The following CNBD1 variants were observed in gnomAD, a reference collection of about 807,000 sequenced individuals.
CNBD1 encodes the protein cyclic nucleotide-binding domain-containing protein 1.
CNBD1 carries 71 observed loss-of-function variants against 54.4 expected under a neutral mutation model. The observed-to-expected ratio is 1.30, with a 90% CI of 1.08 to 1.59. CNBD1 has a LOEUF of 1.59. CNBD1 is among the 40% of genes most tolerant of loss of function. The pLI is 0.00. For synonymous variants in CNBD1, 182 were observed against 170.7 expected (o/e 1.07, Z -0.51); for missense variants, 659 against 518.0 (o/e 1.27, Z -2.64).
chr8:87,360,237 A>G (rs1262085566), intron 10 of CNBD1, among the ~76,000 whole-genome samples: 1 of 152,124 alleles, frequency 6.6e-6, no homozygotes, highest in East Asian at 1.9e-4. Context: ...AGAATTATAT[A>G]TGCAACCGTC....
At chr8:87,389,541 C>T (rs113159903) in intron 2 of CNBD1, among the ~76,000 whole-genome samples, 2,869 of 152,208 alleles carry the variant, frequency 0.019, 93 homozygotes, top group African/African-American at 0.062. Context: ...ATCCAACTTA[C>T]AAGGGACATG....
At chr8:86,894,677 A>G (rs973155935) in intron 2 of CNBD1, among the ~76,000 whole-genome samples, 1 of 152,040 alleles carries the variant, frequency 6.6e-6, no homozygotes, top group Admixed American at 6.6e-5. Flanking sequence ...CTTCTGCTCC[A>G]TCTCTTCTCC....
At chr8:87,246,272 C>T (rs566978300) in intron 6 of CNBD1, among the ~76,000 whole-genome samples, 5 of 152,168 alleles carry the variant, frequency 3.3e-5, no homozygotes, top group Middle Eastern at 3.4e-3. Flanking sequence ...TCATAATTTC[C>T]ATTATCTCTT....
chr8:87,329,614 T>G (rs934093855), intron 8 of CNBD1, among the ~76,000 whole-genome samples: 5 of 150,814 alleles, frequency 3.3e-5, no homozygotes, highest in Non-Finnish European at 5.9e-5. Flanking sequence ...CAGAAATACA[T>G]TTTGTTAGAT....
At chr8:87,088,604 T>A (rs1811147162) in intron 4 of CNBD1, among the ~76,000 whole-genome samples, 1 of 152,126 alleles carries the variant, frequency 6.6e-6, no homozygotes, top group African/African-American at 2.4e-5. Context: ...ATTATAGTAA[T>A]AGTAGCTATA....
chr8:87,297,492 T>C (rs1243953913), intron 8 of CNBD1, among the ~76,000 whole-genome samples: 1 of 152,162 alleles, frequency 6.6e-6, no homozygotes. Context: ...ATAACAGATA[T>C]ACGATATGAA....
At chr8:87,378,926 G>C (rs1030867719) in intron 10 of CNBD1, among the ~76,000 whole-genome samples, 1 of 149,108 alleles carries the variant, frequency 6.7e-6, no homozygotes, top group Non-Finnish European at 1.5e-5. Flanking sequence ...ATTGTGAATG[G>C]GAGTTCACTC....
chr8:87,386,397 A>G (rs1347796515), downstream of CNBD1, among the ~76,000 whole-genome samples: 1 of 152,164 alleles, frequency 6.6e-6, no homozygotes, highest in Non-Finnish European at 1.5e-5. Context: ...AACGAGAATA[A>G]CCAATACAGA....
At chr8:87,192,258 ACTTT>A (rs1813629311) in intron 4 of CNBD1, among the ~76,000 whole-genome samples, 1 of 152,068 alleles carries the variant, frequency 6.6e-6, no homozygotes, top group Non-Finnish European at 1.5e-5. Context: ...GATTTGTTGT[ACTTT>A]CTTCTTTTTC....
At chr8:87,250,290 A>G (rs1286562436) in intron 6 of CNBD1, among the ~76,000 whole-genome samples, 4 of 152,210 alleles carry the variant, frequency 2.6e-5, no homozygotes, top group Non-Finnish European at 4.4e-5. Flanking sequence ...TCTCACTCCA[A>G]TTAAAATGGC....
intron 4 of CNBD1, among the ~76,000 whole-genome samples, chr8:86,951,527 C>T (rs1374586061): frequency 1.6e-5 from 2 of 125,476 alleles, no homozygotes; most frequent in African/African-American, 6.3e-5. Flanking sequence ...TTTCAGTGAG[C>T]CGAGATCATG....
intron 4 of CNBD1, among the ~76,000 whole-genome samples, chr8:87,161,983 C>A (rs374222697): frequency 6.6e-6 from 1 of 151,944 alleles, no homozygotes; most frequent in Admixed American, 6.6e-5. Flanking sequence ...GATGATAATA[C>A]GATTTCATTA....
intron 5 of CNBD1, among the ~76,000 whole-genome samples, chr8:87,229,711 T>C (rs1236728995): frequency 1.3e-5 from 2 of 152,162 alleles, no homozygotes; most frequent in African/African-American, 4.8e-5. Context: ...TCATTTTCCT[T>C]TTTTATTCTC....
At chr8:87,294,345 A>G (rs1393426998) in intron 8 of CNBD1, among the ~76,000 whole-genome samples, 1 of 152,154 alleles carries the variant, frequency 6.6e-6, no homozygotes, top group East Asian at 1.9e-4. Context: ...GGTTTTTCAG[A>G]TCTCTACCAG....
chr8:87,344,859 T>G (rs1426731251), intron 8 of CNBD1, among the ~76,000 whole-genome samples: 2 of 152,108 alleles, frequency 1.3e-5, no homozygotes, highest in Non-Finnish European at 2.9e-5. Flanking sequence ...TCATTATAGG[T>G]AGTTAGGCAG....
chr8:87,420,375 G>T (rs1217386355), intron 2 of CNBD1, among the ~76,000 whole-genome samples: 1 of 151,924 alleles, frequency 6.6e-6, no homozygotes, highest in African/African-American at 2.4e-5. Flanking sequence ...TCTCTCGGAA[G>T]GTACAAAGAA....
intron 8 of CNBD1, among the ~76,000 whole-genome samples, chr8:87,332,078 G>T (rs1362472726): frequency 1.3e-5 from 2 of 151,842 alleles, no homozygotes; most frequent in African/African-American, 4.8e-5. Context: ...CTGGGCGTTG[G>T]GGCTCATACT....
At chr8:87,394,095 G>A (rs930211627) in intron 2 of CNBD1, among the ~76,000 whole-genome samples, 1 of 151,800 alleles carries the variant, frequency 6.6e-6, no homozygotes, top group Non-Finnish European at 1.5e-5. Context: ...CATGATCACA[G>A]GCTATATTTT....
At chr8:87,132,795 G>A (rs561913592) in intron 4 of CNBD1, among the ~76,000 whole-genome samples, 19 of 144,434 alleles carry the variant, frequency 1.3e-4, no homozygotes, top group African/African-American at 4.7e-4. Context: ...ATATATATAT[G>A]TGTATATATA....
Sources: allele counts gnomAD v4.1 joint callset (sites outside exome capture counted in the v4.1 genomes callset), GRCh38; gene constraint gnomAD v4.1.1; transcripts MANE v1.5; gene names NCBI Gene and HGNC (gene_info 2026-07-23, HGNC 2026-07-21).